SLC17A1: variants seen among roughly 807,000 people sequenced by gnomAD.
SLC17A1 encodes the protein solute carrier family 17 member 1, also known as sodium-dependent phosphate transport protein 1.
A neutral mutation model predicts 53.5 loss-of-function variants in SLC17A1; 51 were observed. That is an observed-to-expected ratio of 0.95 (90% CI 0.76 to 1.20). The LOEUF (loss-of-function observed/expected upper bound fraction) is 1.20, where lower values mean the gene tolerates loss of function less well. Among genes scored for constraint, SLC17A1 ranks in the 50% most tolerant of loss-of-function variants. The pLI, the probability that SLC17A1 is intolerant of heterozygous loss-of-function variation, is 0.00. For missense variants in SLC17A1, 538 were observed against 568.2 expected, an observed-to-expected ratio of 0.95 and a Z score of 0.54; for synonymous variants, 179 against 198.8, an observed-to-expected ratio of 0.90 and a Z score of 0.84.
At chr6:25,763,268 T>C in the SLC17A1 span, among the ~76,000 whole-genome samples, 1 of 152,200 alleles carries the variant, frequency 6.6e-6, no homozygotes, top group African/African-American at 2.4e-5. Flanking sequence ...CACTTTACCC[T>C]GGCCTGTTGT....
At chr6:25,725,947 A>G in the SLC17A1 span, among the ~76,000 whole-genome samples, 1 of 152,216 alleles carries the variant, frequency 6.6e-6, no homozygotes, top group East Asian at 1.9e-4. Context: ...CGCTCCTTGA[A>G]AATTCAGTCC....
chr6:25,821,791 G>A (rs1764571563), intron 3 of SLC17A1, among the ~76,000 whole-genome samples: 1 of 152,090 alleles, frequency 6.6e-6, no homozygotes, highest in African/African-American at 2.4e-5. Context: ...AGTTGCCATT[G>A]AACAAAGTAC....
At chr6:25,777,921 C>G, downstream of SLC17A1, 1 of 1,607,864 alleles carries the variant, frequency 6.2e-7, no homozygotes, top group Non-Finnish European at 8.5e-7. Flanking sequence ...ATCTCTCTCT[C>G]TCAGGTACAC....
chr6:25,777,968 C>T, downstream of SLC17A1: 1 of 1,613,168 alleles, frequency 6.2e-7, no homozygotes, highest in Non-Finnish European at 8.5e-7. Context: ...TCTTTGCACA[C>T]ATAGCTGGAG....
the SLC17A1 span, chr6:25,732,472 A>C: frequency 3.3e-6 from 1 of 302,994 alleles, no homozygotes; most frequent in Non-Finnish European, 6.4e-6. Context: ...ACTCGGGGGA[A>C]GGGTACGCGC....
chr6:25,757,206 T>C, the SLC17A1 span, among the ~76,000 whole-genome samples: 1 of 152,212 alleles, frequency 6.6e-6, no homozygotes, highest in African/African-American at 2.4e-5. Flanking sequence ...GCTTTAGTGG[T>C]ACGTTACATA....
At chr6:25,779,173 ATTCACCCACCT>A, downstream of SLC17A1, 1 of 1,613,724 alleles carries the variant, frequency 6.2e-7, no homozygotes. Context: ...AAGAGCAGAC[ATTCACCCACCT>A]CTGAGCAAAC....
the SLC17A1 span, chr6:25,732,769 A>C: frequency 1.0e-6 from 1 of 986,096 alleles, no homozygotes; most frequent in Non-Finnish European, 1.5e-6. Flanking sequence ...CCAACATCCA[A>C]GCTGTGCTGC....
In SLC17A1 at chr6:25,811,454, T is replaced by C. The variant is rs1764153384; in HGVS notation, c.1122A>G (p.Ala374=). Residue 374 remains alanine, a synonymous_variant, in exon 10 of 13, where the codon GCA becomes GCG. Transcript: ENST00000244527. ...CTCCACCCAAGCAAAAGCTGCCTGT[T>C]GCACCAGCAAGTATTAGGAAAATGA... ...SIVIFLILAG[A]TGSFCLGGVF... 3 of 1,613,982 alleles carry C rather than the reference T, an allele frequency of 1.9e-6. No homozygotes were observed. The highest frequency in any genetic ancestry group is 1.1e-5 in the South Asian group (1 of 91,068).
the SLC17A1 span, among the ~76,000 whole-genome samples, chr6:25,764,374 A>G: frequency 6.6e-6 from 1 of 152,174 alleles, no homozygotes; most frequent in Non-Finnish European, 1.5e-5. Flanking sequence ...GCCCCCCACC[A>G]TGGGGAAGAA....
At chr6:25,765,055 G>A in the SLC17A1 span, among the ~76,000 whole-genome samples, 1 of 152,150 alleles carries the variant, frequency 6.6e-6, no homozygotes, top group Non-Finnish European at 1.5e-5. Context: ...CAGCATGGGT[G>A]GCCCTGTGCA....
intron 3 of SLC17A1, among the ~76,000 whole-genome samples, chr6:25,824,309 A>G (rs1318640030): frequency 6.6e-6 from 1 of 151,920 alleles, no homozygotes; most frequent in Non-Finnish European, 1.5e-5. Context: ...AGAAAAGAAT[A>G]AATGCCATTA....
At chr6:25,820,479 G>T (rs1764514175) in intron 3 of SLC17A1, among the ~76,000 whole-genome samples, 1 of 152,114 alleles carries the variant, frequency 6.6e-6, no homozygotes, top group Admixed American at 6.5e-5. Flanking sequence ...AAAGAAAAAG[G>T]CCATTTCTCT....
intron 12 of SLC17A1, among the ~76,000 whole-genome samples, chr6:25,789,279 A>C (rs979123215): frequency 6.6e-6 from 1 of 152,204 alleles, no homozygotes; most frequent in African/African-American, 2.4e-5. Flanking sequence ...ATTGAGACAA[A>C]TTGAGCATCA....
intron 2 of SLC17A1, among the ~76,000 whole-genome samples, chr6:25,827,917 T>C (rs1764810048): frequency 6.6e-6 from 1 of 152,118 alleles, no homozygotes; most frequent in African/African-American, 2.4e-5. Flanking sequence ...TCCCAAATTC[T>C]TCATCTTATT....
Position 25,812,961 on chromosome 6 carries a change from T to C in SLC17A1, c.767A>G (p.Lys256Arg). The change falls in exon 8 of 13, where the codon AAG (lysine) becomes AGG (arginine). Residue 256 changes from lysine (K) to arginine (R), a missense_variant. Physicochemically the swap from Lys to Arg is conservative, Grantham distance 26. Coordinates refer to ENST00000244527, the MANE Select transcript of SLC17A1 (RefSeq NM_005074.5). Reference protein sequence around the residue: ...VSSSRQSLPIKAILKSLPVWA... With the variant: ...VSSSRQSLPIRAILKSLPVWA... ...GACTGGAAGCGACTTAAGTATAGCC[T>C]TGATAGGCAGAGATTGTCTACTTGA... 6.2e-7 allele frequency: 1 copy of C among 1,614,108 alleles called. No individual in the cohort carries two copies. Among genetic ancestry groups the C allele is most frequent in the Middle Eastern group, 1.6e-4 (1 of 6,062 alleles).
Position 25,812,989 on chromosome 6 carries a change from T to G in SLC17A1, c.739A>C (p.Ser247Arg), listed in dbSNP as rs559092372. 4 of 1,613,804 alleles carry G rather than the reference T, an allele frequency of 2.5e-6. No individual in the cohort carries two copies. Among genetic ancestry groups the G allele is most frequent in the East Asian group, 2.2e-5 (1 of 44,874 alleles). Reference sequence around the variant, plus strand: ...ATAGGCAGAGATTGTCTACTTGAACTGACCTGGAGAGAAATTCATTAAGAA... The same window carrying G: ...ATAGGCAGAGATTGTCTACTTGAACGGACCTGGAGAGAAATTCATTAAGAA... ...YITSSLVQQV[S>R]SSRQSLPIKA... The change falls in exon 8 of 13, where the codon AGT becomes CGT. Residue 247 changes from serine (S) to arginine (R), a missense_variant. Ser to Arg is a moderately radical substitution (Grantham distance 110). Coordinates refer to ENST00000244527, the MANE Select transcript of SLC17A1 (RefSeq NM_005074.5).
the SLC17A1 span, chr6:25,768,474 C>G: frequency 1.4e-6 from 1 of 694,392 alleles, no homozygotes; most frequent in South Asian, 6.2e-5. Flanking sequence ...AGTTTAAATA[C>G]TTCTATGATC....
intron 6 of SLC17A1, 59 bp downstream of exon 6, chr6:25,819,009 A>G: frequency 9.0e-7 from 1 of 1,108,290 alleles, no homozygotes; most frequent in Non-Finnish European, 1.3e-6. Flanking sequence ...ATTGGGTTTT[A>G]ATGTTTAAAT....
Sources: allele counts gnomAD v4.1 joint callset (sites outside exome capture counted in the v4.1 genomes callset), GRCh38; gene constraint gnomAD v4.1.1; transcripts MANE v1.5; gene names NCBI Gene and HGNC (gene_info 2026-07-23, HGNC 2026-07-21).